The following TMEM132B variants were observed in gnomAD, a reference collection of about 807,000 sequenced individuals.
TMEM132B encodes the protein transmembrane protein 132B.
Under a neutral mutation model 90.8 loss-of-function variants are expected in TMEM132B, and 18 were observed. The ratio of observed to expected loss-of-function variants is 0.20; its 90% CI spans 0.14 to 0.29. TMEM132B has a LOEUF of 0.29. Among genes scored for constraint, TMEM132B ranks in the 10% least tolerant of loss-of-function variants. The pLI is 1.00. For missense variants in TMEM132B, 1,096 were observed against 1,326.8 expected (o/e 0.83, Z 2.70); for synonymous variants, 504 against 523.3 (o/e 0.96, Z 0.50).
chr12:125,515,834 TCA>T (rs62732463), intron 3 of TMEM132B, among the ~76,000 whole-genome samples: 26,945 of 151,710 alleles, frequency 0.18, 3,340 homozygotes, highest in East Asian at 0.46. Context: ...ACACATTCTG[TCA>T]CACACACACC....
chr12:125,436,437 A>G (rs1251527159), intron 3 of TMEM132B, among the ~76,000 whole-genome samples: 1 of 152,184 alleles, frequency 6.6e-6, no homozygotes, highest in Non-Finnish European at 1.5e-5. Flanking sequence ...ATTTAAGAAG[A>G]GGTTACACTG....
In TMEM132B at chr12:125,654,090, C is replaced by G; in HGVS notation, c.2632C>G (p.Pro878Ala). ...SGGPDAFTSF[P>A]TQGKSPDPNN... ...TGGTCCAGATGCCTTTACAAGCTTCCCCACTCAAGGGAAGTCACCGGACCC... is the reference window on the plus strand; with the variant it reads ...TGGTCCAGATGCCTTTACAAGCTTCGCCACTCAAGGGAAGTCACCGGACCC... Residue 878 changes from proline (P) to alanine (A), a missense_variant, in exon 9 of 9, where the codon CCC (proline) becomes GCC (alanine). Transcript: ENST00000682704. The surrounding 1 kb of genome is among the most constrained non-coding windows in gnomAD (Gnocchi z 5.8). 1 of 1,614,158 alleles carries G rather than the reference C, an allele frequency of 6.2e-7. No individual in the cohort carries two copies. The highest frequency in any genetic ancestry group is 8.5e-7 in the Non-Finnish European group (1 of 1,180,034).
At chr12:125,363,030 G>A (rs1046311754) in intron 2 of TMEM132B, among the ~76,000 whole-genome samples, 1 of 152,136 alleles carries the variant, frequency 6.6e-6, no homozygotes, top group Non-Finnish European at 1.5e-5. Context: ...ACCTCAAGCA[G>A]TGCTGCAGGG....
At chr12:125,641,433 G>T (rs1886627603) in intron 5 of TMEM132B, among the ~76,000 whole-genome samples, 1 of 152,124 alleles carries the variant, frequency 6.6e-6, no homozygotes, top group African/African-American at 2.4e-5. Context: ...TTTGTACGTT[G>T]TTAGATACCT....
chr12:125,210,415 C>A (rs899583514), intron 1 of TMEM132B, among the ~76,000 whole-genome samples: 1 of 152,102 alleles, frequency 6.6e-6, no homozygotes, highest in African/African-American at 2.4e-5. Flanking sequence ...CACATGGTGC[C>A]GTGGGCCATG....
chr12:125,414,704 C>T (rs1277806308), intron 2 of TMEM132B, among the ~76,000 whole-genome samples: 1 of 152,180 alleles, frequency 6.6e-6, no homozygotes. Context: ...AAGCAGTGGG[C>T]ACCCCACGGC....
chr12:125,378,455 C>G (rs536353776), intron 2 of TMEM132B, among the ~76,000 whole-genome samples: 1 of 152,226 alleles, frequency 6.6e-6, no homozygotes, highest in Admixed American at 6.5e-5. Flanking sequence ...GTGGAGGTAG[C>G]TGTTCTCTGG....
chr12:125,639,054 T>C (rs1886562186), intron 5 of TMEM132B, among the ~76,000 whole-genome samples: 1 of 152,204 alleles, frequency 6.6e-6, no homozygotes, highest in South Asian at 2.1e-4. Flanking sequence ...GTTTTCAATG[T>C]TCCTCTTGAG....
At chr12:125,535,481 G>T (rs114621912) in intron 4 of TMEM132B, among the ~76,000 whole-genome samples, 2,182 of 152,292 alleles carry the variant, frequency 0.014, 58 homozygotes, top group African/African-American at 0.05. Context: ...GATGAAGGAG[G>T]CTCAGTTCTT....
At chr12:125,348,191 G>T (rs1877424158) in intron 1 of TMEM132B, among the ~76,000 whole-genome samples, 1 of 149,620 alleles carries the variant, frequency 6.7e-6, no homozygotes, top group South Asian at 2.2e-4. Flanking sequence ...CGCATTTTAA[G>T]AAATAGTTTC....
At chr12:125,552,203 T>C (rs1884245687) in intron 4 of TMEM132B, among the ~76,000 whole-genome samples, 1 of 152,258 alleles carries the variant, frequency 6.6e-6, no homozygotes, top group African/African-American at 2.4e-5. Context: ...CCTGTATTTG[T>C]AGCTGGCTCT....
At chr12:125,295,711 T>C (rs774850702) in intron 1 of TMEM132B, among the ~76,000 whole-genome samples, 8 of 152,274 alleles carry the variant, frequency 5.3e-5, no homozygotes, top group Admixed American at 1.3e-4. Context: ...CATGTTGTAC[T>C]TAAAGCCAGG....
chr12:125,638,547 T>C (rs1886545794), intron 5 of TMEM132B, among the ~76,000 whole-genome samples: 1 of 152,188 alleles, frequency 6.6e-6, no homozygotes, highest in East Asian at 1.9e-4. Flanking sequence ...TCTTTTAATG[T>C]AGAATTTCAG....
chr12:125,422,305 C>T (rs1290434219), intron 3 of TMEM132B, among the ~76,000 whole-genome samples: 3 of 152,198 alleles, frequency 2.0e-5, no homozygotes, highest in African/African-American at 7.2e-5. Context: ...CAAAGCAGTC[C>T]GACTTTAGAG....
chr12:125,511,645 G>A (rs948278342), intron 3 of TMEM132B, among the ~76,000 whole-genome samples: 2 of 151,966 alleles, frequency 1.3e-5, no homozygotes, highest in African/African-American at 4.8e-5. Context: ...GAGGTTAGGA[G>A]ATCGAGAGCA....
intron 4 of TMEM132B, among the ~76,000 whole-genome samples, chr12:125,576,425 ACTT>A (rs1884942771): frequency 6.6e-6 from 1 of 151,716 alleles, no homozygotes; most frequent in Admixed American, 6.6e-5. Context: ...GTATAGTTTT[ACTT>A]CTTCATTTCC....
At chr12:125,204,885 C>T (rs1298955476) in intron 1 of TMEM132B, among the ~76,000 whole-genome samples, 1 of 145,598 alleles carries the variant, frequency 6.9e-6, no homozygotes, top group African/African-American at 2.5e-5. Context: ...TCTCATGAAT[C>T]CTTTCAATGA....
At chr12:125,295,500 C>CTGTG (rs149003076) in intron 1 of TMEM132B, among the ~76,000 whole-genome samples, 88 of 143,518 alleles carry the variant, frequency 6.1e-4, no homozygotes, top group South Asian at 1.2e-3. Context: ...TCCATGAAAC[C>CTGTG]TGTGTGTGTG....
chr12:125,431,145 A>T (rs1456145262), intron 3 of TMEM132B, among the ~76,000 whole-genome samples: 1 of 152,184 alleles, frequency 6.6e-6, no homozygotes, highest in Non-Finnish European at 1.5e-5. Flanking sequence ...CAGCTACTGC[A>T]GGGCTTTGAG....
Sources: gnomAD v4.1 joint callset for allele counts (sites outside exome capture counted in the v4.1 genomes callset) on GRCh38, gnomAD v4.1.1 for gene constraint, Gnocchi (gnomAD v3.1) non-coding constraint, MANE v1.5 for transcripts, NCBI Gene and HGNC (gene_info 2026-07-23, HGNC 2026-07-21) for gene names.